The following PIP4P2 variants were observed in gnomAD, a reference collection of about 807,000 sequenced individuals.
PIP4P2 encodes type 2 phosphatidylinositol 4,5-bisphosphate 4-phosphatase.
In PIP4P2, 19 loss-of-function variants were observed where a neutral mutation model predicts 33.3. The observed-to-expected ratio is 0.57, with a 90% CI of 0.40 to 0.84. PIP4P2 has a LOEUF of 0.84. Among genes scored for constraint, PIP4P2 ranks in the 40% least tolerant of loss-of-function variants. The pLI is 0.00. For synonymous variants in PIP4P2, 110 were observed against 111.9 expected, an observed-to-expected ratio of 0.98 and a Z score of 0.11; for missense variants, 270 against 324.7, an observed-to-expected ratio of 0.83 and a Z score of 1.29.
At chr8:91,015,396 C>T (rs1039647523) in intron 4 of PIP4P2, among the ~76,000 whole-genome samples, 1 of 152,054 alleles carries the variant, frequency 6.6e-6, no homozygotes, top group Non-Finnish European at 1.5e-5. Context: ...CCCCTGCCTG[C>T]ATACATAGAG....
At chr8:90,997,387 C>T (rs1309220134) in intron 5 of PIP4P2, among the ~76,000 whole-genome samples, 1 of 151,872 alleles carries the variant, frequency 6.6e-6, no homozygotes, top group Non-Finnish European at 1.5e-5. Context: ...TACATAATGC[C>T]AACAAAGTAT....
intron 4 of PIP4P2, among the ~76,000 whole-genome samples, chr8:91,010,571 T>A (rs537666951): frequency 6.6e-6 from 1 of 151,934 alleles, no homozygotes; most frequent in Non-Finnish European, 1.5e-5. Context: ...ACCTACCACA[T>A]CTGGTTTTGT....
intron 5 of PIP4P2, among the ~76,000 whole-genome samples, chr8:91,005,390 T>G (rs1204678646): frequency 6.6e-6 from 1 of 152,186 alleles, no homozygotes; most frequent in African/African-American, 2.4e-5. Context: ...CTCACTCATC[T>G]TTTATAACTT....
intron 1 of PIP4P2, among the ~76,000 whole-genome samples, chr8:91,029,457 T>G (rs1812128986): frequency 6.6e-6 from 1 of 152,198 alleles, no homozygotes; most frequent in Admixed American, 6.5e-5. Context: ...GCTGGATCAC[T>G]TCTGTCTTTT....
At chr8:91,034,348 C>T (rs1025596128) in intron 1 of PIP4P2, among the ~76,000 whole-genome samples, 1 of 152,098 alleles carries the variant, frequency 6.6e-6, no homozygotes, top group African/African-American at 2.4e-5. Context: ...AATCCTGGAG[C>T]CTGATGCCTA....
At chr8:91,012,162 A>G (rs1050416206) in intron 4 of PIP4P2, among the ~76,000 whole-genome samples, 11 of 151,980 alleles carry the variant, frequency 7.2e-5, no homozygotes, top group South Asian at 6.2e-4. Flanking sequence ...GCCTGATTTT[A>G]TCAACTGTAT....
At chr8:91,036,034 A>G (rs1427963960) in intron 1 of PIP4P2, among the ~76,000 whole-genome samples, 1 of 151,946 alleles carries the variant, frequency 6.6e-6, no homozygotes, top group Non-Finnish European at 1.5e-5. Context: ...ACAAAACCAA[A>G]AAAACTGGAG....
chr8:91,033,173 T>C (rs1178267061), intron 1 of PIP4P2, among the ~76,000 whole-genome samples: 1 of 152,144 alleles, frequency 6.6e-6, no homozygotes, highest in African/African-American at 2.4e-5. Context: ...CAACCCCAAG[T>C]TTTCTCAGAC....
chr8:91,000,499 C>A lies in PIP4P2; in HGVS notation c.540-3755G>T, dbSNP rs188036370. On this transcript the variant is annotated intron_variant, in intron 5 of 6. Coordinates refer to ENST00000285419, the MANE Select transcript of PIP4P2 (RefSeq NM_018710.3). ...TTTGAAAATATACTTATTTTACCTTCATTATTCTTTGATGGTTTAGATAGG... is the reference window on the plus strand; with the variant it reads ...TTTGAAAATATACTTATTTTACCTTAATTATTCTTTGATGGTTTAGATAGG... Among the ~76,000 whole-genome samples the A allele has an allele frequency of 1.8e-3, 271 of 151,342 alleles. 2 individuals are homozygous for A. The highest frequency in any genetic ancestry group is 0.01 in the Middle Eastern group (3 of 294).
At chr8:91,017,570 A>G (rs2130366480) in intron 4 of PIP4P2, among the ~76,000 whole-genome samples, 1 of 152,234 alleles carries the variant, frequency 6.6e-6, no homozygotes, top group Non-Finnish European at 1.5e-5. Context: ...TATATACATA[A>G]AGTTCTTTAA....
intron 1 of PIP4P2, among the ~76,000 whole-genome samples, chr8:91,025,883 T>C (rs945441070): frequency 2.0e-5 from 3 of 152,152 alleles, no homozygotes; most frequent in Non-Finnish European, 4.4e-5. Flanking sequence ...TTCAGTTCAA[T>C]ACAGAGCAAA....
intron 1 of PIP4P2, among the ~76,000 whole-genome samples, chr8:91,039,246 G>A (rs1051368151): frequency 6.6e-6 from 1 of 152,062 alleles, no homozygotes; most frequent in Non-Finnish European, 1.5e-5. Context: ...TATCAAATTG[G>A]CCCATTAGAG....
chr8:91,010,957 T>TA (rs5893153), intron 4 of PIP4P2, among the ~76,000 whole-genome samples: 121,291 of 133,834 alleles, frequency 0.91, 56,070 homozygotes, highest in Non-Finnish European at 0.98. Context: ...AGAAGATTTG[T>TA]AAAAAAAAAA....
Position 91,040,817 on chromosome 8 carries a change from T to G in PIP4P2, c.-68A>C. On this transcript the variant is annotated 5_prime_UTR_variant, in exon 1 of 7. Transcript: ENST00000285419. ...GCGGCCTCGGCGGAGTGGTGGCTAC[T>G]GCTGCTGCCTCTGCTGCCGCTGCTG... 2.1e-6 allele frequency: 3 copies of G among 1,401,864 alleles called. No individual in the cohort carries two copies. Among genetic ancestry groups the G allele is most frequent in the Non-Finnish European group, 9.8e-7 (1 of 1,016,046 alleles). The allele number at this position is 1,401,864 out of a possible 1,614,324, so 86.8% of individuals were successfully genotyped here.
At chr8:90,999,811 T>C (rs1811679003) in intron 5 of PIP4P2, among the ~76,000 whole-genome samples, 2 of 152,100 alleles carry the variant, frequency 1.3e-5, no homozygotes, top group Admixed American at 1.3e-4. Flanking sequence ...TGTTCTAATA[T>C]TCATGTGTTC....
chr8:91,034,353 T>A (rs1046094227), intron 1 of PIP4P2, among the ~76,000 whole-genome samples: 1 of 152,192 alleles, frequency 6.6e-6, no homozygotes, highest in African/African-American at 2.4e-5. Context: ...TGGAGCCTGA[T>A]GCCTACAGAA....
At chr8:91,029,748 A>C (rs1812134186) in intron 1 of PIP4P2, among the ~76,000 whole-genome samples, 1 of 152,172 alleles carries the variant, frequency 6.6e-6, no homozygotes, top group Non-Finnish European at 1.5e-5. Flanking sequence ...AGGCAGGCAG[A>C]TCACGAGGTC....
At chr8:91,033,590 G>C (rs754226095) in intron 1 of PIP4P2, among the ~76,000 whole-genome samples, 1 of 152,054 alleles carries the variant, frequency 6.6e-6, no homozygotes, top group African/African-American at 2.4e-5. Context: ...AAAAAGTAAA[G>C]TGTTTTCATG....
At chr8:91,023,568 CA>C (rs150852197) in intron 1 of PIP4P2, among the ~76,000 whole-genome samples, 5,207 of 141,986 alleles carry the variant, frequency 0.037, 282 homozygotes, top group African/African-American at 0.12. Context: ...TTTAATCTGC[CA>C]AAAAAAAAAC....
Sources: allele counts gnomAD v4.1 joint callset (sites outside exome capture counted in the v4.1 genomes callset), GRCh38; gene constraint gnomAD v4.1.1; transcripts MANE v1.5; gene names NCBI Gene and HGNC (gene_info 2026-07-23, HGNC 2026-07-21).